Variants in HPS1 observed in about 807,000 individuals in gnomAD.
HPS1 encodes BLOC-3 complex member HPS1.
In HPS1, 59 loss-of-function variants were observed where a neutral mutation model predicts 90.6. The ratio of observed to expected loss-of-function variants is 0.65; its 90% CI spans 0.53 to 0.81. The LOEUF is 0.81. Among genes scored for constraint, HPS1 ranks in the 30% least tolerant of loss-of-function variants. The pLI is 0.00. For missense variants in HPS1, 849 were observed against 896.7 expected, an observed-to-expected ratio of 0.95 and a Z score of 0.68; for synonymous variants, 388 against 384.4, an observed-to-expected ratio of 1.01 and a Z score of -0.11.
chr10:98,416,223 GTTA>G lies in HPS1; in HGVS notation c.*1338_*1340del, dbSNP rs1844099186. 6.6e-6 allele frequency: 1 copy of G among 152,328 alleles called. No individual in the cohort carries two copies. The highest frequency in any genetic ancestry group is 1.5e-5 in the Non-Finnish European group (1 of 68,034). The allele number at this position is 152,328 out of a possible 1,614,324, so 9.4% of individuals were successfully genotyped here. A position where few individuals can be genotyped will look rare whatever the true frequency, so the allele number is the denominator to read the frequency against. On this transcript the variant is annotated 3_prime_UTR_variant, in exon 20 of 20. Transcript: ENST00000361490. ...TCTGATTCAGGATGTTCACTCCTGT[GTTA>G]TTTATTATATAGAAAGATCAAGGGG...
At chr10:98,430,487 G>A (rs1846275247) in intron 8 of HPS1, 84 bp downstream of exon 8, 1 of 1,036,456 alleles carries the variant, frequency 9.6e-7, no homozygotes, top group South Asian at 1.4e-5. Flanking sequence ...GAGTCCCCAG[G>A]GGGAGCCTGC....
rs1846062201 is a variant in HPS1 at position 98,429,461 on chromosome 10, G to A, written c.937+112C>T. The stretch of plus-strand genomic sequence containing the variant: ...CTGTGCTCTAGGAACACGGGTACCT[G>A]CACTCAAGCCTTAGGAGGCACGGGG... On this transcript the variant is annotated intron_variant, in intron 10 of 19. Transcript: ENST00000361490. The A allele has an allele frequency of 6.9e-6, 11 of 1,587,508 alleles. No individual in the cohort carries two copies. In the Admixed American group the frequency reaches 1.8e-4, roughly 26 times the overall value.
chr10:98,441,326 C>T (rs1938380966), intron 3 of HPS1, among the ~76,000 whole-genome samples: 1 of 151,730 alleles, frequency 6.6e-6, no homozygotes, highest in Non-Finnish European at 1.5e-5. Flanking sequence ...TGGATGTCCA[C>T]ATGCAAAAAA....
Position 98,418,222 on chromosome 10 carries a change from G to C in HPS1, c.1893C>G (p.Leu631=). ...TGCCGATAGGCACTGAGTCGTCGGA[G>C]AGGACGGGCACCTCGATCATCTGGA... ...YKLQMIEVPV[L]SDDSVPIGML... Residue 631 remains leucine (L), a synonymous_variant, in exon 19 of 20, where the codon CTC becomes CTG. Coordinates refer to ENST00000361490, the MANE Select transcript of HPS1 (RefSeq NM_000195.5). 5 of 1,610,980 alleles carry C rather than the reference G, an allele frequency of 3.1e-6. No homozygotes were observed. The highest frequency in any genetic ancestry group is 4.2e-6 in the Non-Finnish European group (5 of 1,177,982).
chr10:98,415,796 G>A (rs1027221263), downstream of HPS1, among the ~76,000 whole-genome samples: 3 of 152,350 alleles, frequency 2.0e-5, no homozygotes, highest in Non-Finnish European at 2.9e-5. Flanking sequence ...GGGCTTAGGG[G>A]CAAGTTCGCT....
intron 13 of HPS1, 60 bp downstream of exon 13, chr10:98,425,481 G>A (rs778442350): frequency 5.2e-6 from 8 of 1,532,948 alleles, no homozygotes; most frequent in Admixed American, 1.9e-5. Flanking sequence ...TGGACCGGAT[G>A]TACCCTGCTG....
chr10:98,425,917 G>T lies in HPS1; in HGVS notation c.1056C>A (p.Phe352Leu), dbSNP rs1230757352. The change falls in exon 12 of 20, where the codon TTC (phenylalanine) becomes TTA (leucine). Residue 352 changes from phenylalanine (F) to leucine (L), a missense_variant. Phe to Leu is a conservative substitution (Grantham distance 22). Coordinates refer to ENST00000361490, the MANE Select transcript of HPS1 (RefSeq NM_000195.5). ...AGCTTTCCTTCACGTTGGCATCCAG[G>T]AAGATCCTTCTGGGGCCGGAAGGCA... is the stretch of plus-strand genomic sequence containing the variant. ...CPVPSGPRRI[F>L]LDANVKESYC... 1 of 1,613,996 alleles carries T rather than the reference G, an allele frequency of 6.2e-7. No individual in the cohort carries two copies. The highest frequency in any genetic ancestry group is 8.5e-7 in the Non-Finnish European group (1 of 1,179,988).
At chr10:98,421,662 G>C (rs1258301067) in intron 17 of HPS1, among the ~76,000 whole-genome samples, 1 of 152,224 alleles carries the variant, frequency 6.6e-6, no homozygotes, top group Non-Finnish European at 1.5e-5. Context: ...TGAAGATGGT[G>C]ATGATGATGC....
rs281865077 is a variant in HPS1, at chr10:98,435,267, C to T, written c.398+5G>A. The T allele has an allele frequency of 9.3e-6, 15 of 1,613,932 alleles. No individual in the cohort carries two copies. The East Asian group carries it at 3.3e-4, about 36-fold the overall frequency. On this transcript the variant is annotated splice_donor_5th_base_variant and intron_variant, in intron 5 of 19. Coordinates refer to ENST00000361490, the MANE Select transcript of HPS1 (RefSeq NM_000195.5). This position sits in a 1 kb window ranked among gnomAD's most constrained non-coding sequence, Gnocchi z 4.3. ...GGACAGAGGGGACCAGCTTTGAAGA[C>T]TCACTCCTTTCGGATAAGATGACCG...
chr10:98,418,360 G>C, intron 18 of HPS1, 103 bp from the exon 19 acceptor site: 2 of 580,760 alleles, frequency 3.4e-6, no homozygotes, highest in Non-Finnish European at 6.2e-6. Context: ...ATGTGCGCTG[G>C]GTGCTTGGGA....
Position 98,417,847 on chromosome 10 carries a change from G to A in HPS1, c.1941-121C>T, listed in dbSNP as rs1187001276. On this transcript the variant is annotated intron_variant, in intron 19 of 19. Transcript: ENST00000361490. The surrounding 1 kb of genome is among the most constrained non-coding windows in gnomAD (Gnocchi z 4.2). ...CCCTCGGTCATCTCACTAGGCCCCT[G>A]CATGTGGGCCTTGACAACCGCTCCG... 1.1e-6 allele frequency: 1 copy of A among 924,608 alleles called. No individual in the cohort carries two copies. The highest frequency in any genetic ancestry group is 1.7e-6 in the Non-Finnish European group (1 of 588,222). 57.3% of individuals were successfully genotyped at this position (924,608 alleles called of 1,614,324 possible).
intron 12 of HPS1, 46 bp downstream of exon 12, chr10:98,425,772 G>A (rs1331788257): frequency 4.4e-6 from 7 of 1,600,514 alleles, no homozygotes; most frequent in Middle Eastern, 1.7e-4. Context: ...TGGGGAAGAC[G>A]TGCCAACCCT....
intron 6 of HPS1, among the ~76,000 whole-genome samples, chr10:98,433,159 G>A (rs1188510710): frequency 4.7e-5 from 7 of 150,206 alleles, no homozygotes; most frequent in African/African-American, 1.5e-4. Context: ...TTGAACCCGG[G>A]AAGCAGAGGT....
chr10:98,414,991 C>T (rs756687232), downstream of HPS1: 1 of 1,611,232 alleles, frequency 6.2e-7, no homozygotes, highest in Non-Finnish European at 8.5e-7. Context: ...TCTGGCCCGG[C>T]CTGCTTTACC....
At chr10:98,436,603 T>C (rs1847364244) in intron 3 of HPS1, among the ~76,000 whole-genome samples, 1 of 151,920 alleles carries the variant, frequency 6.6e-6, no homozygotes, top group African/African-American at 2.4e-5. Flanking sequence ...ACAAAACAAA[T>C]AAACAAAAAC....
At chr10:98,414,711 T>A (rs142500658), downstream of HPS1, 4 of 324,010 alleles carry the variant, frequency 1.2e-5, no homozygotes, top group Non-Finnish European at 2.3e-5. Context: ...GCAAGAGATA[T>A]AGGGAAACCC....
intron 3 of HPS1, among the ~76,000 whole-genome samples, chr10:98,439,697 TTA>T (rs1938063152): frequency 6.6e-6 from 1 of 152,186 alleles, no homozygotes; most frequent in South Asian, 2.1e-4. Flanking sequence ...CTGGAATGAA[TTA>T]TGACTTTGGG....
In HPS1 at chr10:98,435,603, G is replaced by A; in HGVS notation, c.255+32C>T. 2 of 1,613,876 alleles carry A rather than the reference G, an allele frequency of 1.2e-6. No homozygotes were observed. Among genetic ancestry groups the A allele is most frequent in the Non-Finnish European group, 1.7e-6 (2 of 1,179,850 alleles). Reference sequence around the variant, plus strand: ...TGGACTCCCCATCAAGCTGAGGGAAGAGGAACATGGGCCCCAGAGCTATAG... The same window carrying A: ...TGGACTCCCCATCAAGCTGAGGGAAAAGGAACATGGGCCCCAGAGCTATAG... On this transcript the variant is annotated intron_variant, in intron 4 of 19. Transcript: ENST00000361490. This position sits in a 1 kb window ranked among gnomAD's most constrained non-coding sequence, Gnocchi z 4.3.
At chr10:98,436,704 A>G (rs1847382346) in intron 3 of HPS1, among the ~76,000 whole-genome samples, 3 of 152,248 alleles carry the variant, frequency 2.0e-5, no homozygotes, top group Admixed American at 2.0e-4. Context: ...CCGTAGTGGA[A>G]TAAAAAGAAA....
Sources: allele counts gnomAD v4.1 joint callset (sites outside exome capture counted in the v4.1 genomes callset), GRCh38; gene constraint gnomAD v4.1.1; non-coding constraint Gnocchi (gnomAD v3.1); transcripts MANE v1.5; gene names NCBI Gene and HGNC (gene_info 2026-07-23, HGNC 2026-07-21).